STK10: variants seen among roughly 807,000 people sequenced by gnomAD.
STK10 encodes the protein serine/threonine-protein kinase 10.
A neutral mutation model predicts 113.8 loss-of-function variants in STK10; 78 were observed. The observed-to-expected ratio is 0.69, with a 90% CI of 0.57 to 0.83. The LOEUF (loss-of-function observed/expected upper bound fraction) is 0.83. STK10 is among the 40% of genes least tolerant of loss of function. The pLI is 0.00. For missense variants in STK10, 1,109 were observed against 1,280.1 expected (o/e 0.87, Z 2.04); for synonymous variants, 465 against 494.7 (o/e 0.94, Z 0.80).
chr5:172,056,153 A>C (rs1386041461), intron 15 of STK10, among the ~76,000 whole-genome samples: 1 of 152,030 alleles, frequency 6.6e-6, no homozygotes, highest in Non-Finnish European at 1.5e-5. Flanking sequence ...TTCCCCTAAC[A>C]CCTATTTGTA....
intron 12 of STK10, among the ~76,000 whole-genome samples, chr5:172,074,927 G>A (rs1055603498): frequency 6.6e-6 from 1 of 151,366 alleles, no homozygotes; most frequent in Non-Finnish European, 1.5e-5. Flanking sequence ...GCTGAGGCAG[G>A]AGGATTGCTC....
chr5:172,174,923 T>C (rs1770733154), intron 1 of STK10, among the ~76,000 whole-genome samples: 1 of 152,206 alleles, frequency 6.6e-6, no homozygotes, highest in South Asian at 2.1e-4. Context: ...ACCAGTGCAT[T>C]GGTAAAGTCC....
intron 1 of STK10, among the ~76,000 whole-genome samples, chr5:172,186,102 C>T (rs1389381001): frequency 1.2e-4 from 18 of 151,824 alleles, no homozygotes; most frequent in Non-Finnish European, 1.5e-5. Flanking sequence ...GGTGAAACCC[C>T]GTCTCTACTA....
At chr5:172,106,458 G>C (rs894514795) in intron 6 of STK10, among the ~76,000 whole-genome samples, 162 bp downstream of exon 6, 6 of 148,504 alleles carry the variant, frequency 4.0e-5, no homozygotes, top group East Asian at 2.0e-4. Flanking sequence ...GGCCCGGGGG[G>C]GCTCAGAAAC....
chr5:172,063,006 T>C (rs751398472), intron 13 of STK10, among the ~76,000 whole-genome samples: 22 of 152,296 alleles, frequency 1.4e-4, no homozygotes, highest in South Asian at 6.2e-4. Flanking sequence ...TCCCAGCACG[T>C]TGGGAGACTG....
At chr5:172,142,780 A>C (rs1770004050) in intron 2 of STK10, among the ~76,000 whole-genome samples, 2 of 152,228 alleles carry the variant, frequency 1.3e-5, no homozygotes, top group Non-Finnish European at 2.9e-5. Context: ...GGGGAAACTG[A>C]GGCTCAGGAA....
In STK10 at chr5:172,156,672, G is replaced by C. The variant is rs917372066; in HGVS notation, c.273C>G (p.Pro91=). The part of the protein sequence containing the change: ...EIEILATCDH[P]YIVKLLGAYY... ...AGGCTCCCAGGAGCTTCACAATGTA[G>C]GGGTGGTCGCAGGTGGCCAGGATCT... The change falls in exon 2 of 19, where the codon CCC becomes CCG. Residue 91 remains proline, a synonymous_variant. Coordinates refer to ENST00000176763, the MANE Select transcript of STK10 (RefSeq NM_005990.4). 6.2e-7 allele frequency: 1 copy of C among 1,614,108 alleles called. No homozygotes were observed. The highest frequency in any genetic ancestry group is 8.5e-7 in the Non-Finnish European group (1 of 1,180,010).
intron 2 of STK10, among the ~76,000 whole-genome samples, chr5:172,142,893 G>T (rs766414586): frequency 3.9e-5 from 6 of 152,286 alleles, no homozygotes; most frequent in Non-Finnish European, 5.9e-5. Flanking sequence ...CTGGGTGGGT[G>T]GGGGGAAAGG....
chr5:172,090,175 C>T, intron 10 of STK10, 57 bp downstream of exon 10: 2 of 1,598,400 alleles, frequency 1.3e-6, no homozygotes, highest in East Asian at 2.2e-5. Context: ...CCAATGCCCA[C>T]TCCTCTTACC....
chr5:172,139,493 G>GAA (rs551856973), intron 2 of STK10, among the ~76,000 whole-genome samples: 8,504 of 106,474 alleles, frequency 0.08, 934 homozygotes, highest in African/African-American at 0.25. Flanking sequence ...CCCATCTCTG[G>GAA]AAAAAAAAAA....
chr5:172,165,333 G>T (rs1165741645), intron 1 of STK10, among the ~76,000 whole-genome samples: 1 of 152,222 alleles, frequency 6.6e-6, no homozygotes. Context: ...CAAGGCGAAT[G>T]CAGAGACCAG....
At chr5:172,079,570 TTTA>T (rs199849976) in intron 12 of STK10, among the ~76,000 whole-genome samples, 2,457 of 144,566 alleles carry the variant, frequency 0.017, 74 homozygotes, top group African/African-American at 0.062. Context: ...TATTTATTTA[TTTA>T]TTTTTGAGAT....
At chr5:172,167,537 C>T (rs1230359196) in intron 1 of STK10, among the ~76,000 whole-genome samples, 1 of 152,166 alleles carries the variant, frequency 6.6e-6, no homozygotes, top group East Asian at 1.9e-4. Flanking sequence ...CCAGCGAGGG[C>T]AGACTGGGAC....
At chr5:172,185,877 C>G (rs1244048103) in intron 1 of STK10, among the ~76,000 whole-genome samples, 2 of 152,226 alleles carry the variant, frequency 1.3e-5, no homozygotes, top group East Asian at 1.9e-4. Flanking sequence ...CAAAGGAGGA[C>G]AGCAAGTCGG....
At chr5:172,161,191 C>A (rs766706226) in intron 1 of STK10, among the ~76,000 whole-genome samples, 1 of 152,122 alleles carries the variant, frequency 6.6e-6, no homozygotes, top group Non-Finnish European at 1.5e-5. Context: ...GTGGCGCACG[C>A]CTGTAATCCT....
intron 1 of STK10, among the ~76,000 whole-genome samples, chr5:172,172,104 C>G (rs183260001): frequency 1.3e-5 from 2 of 152,292 alleles, no homozygotes; most frequent in African/African-American, 4.8e-5. Flanking sequence ...GCAGGAGAAT[C>G]TCTTGAACCC....
chr5:172,131,032 G>GTTTTTT (rs773484183), intron 2 of STK10, among the ~76,000 whole-genome samples: 7 of 109,516 alleles, frequency 6.4e-5, no homozygotes, highest in African/African-American at 1.1e-4. Context: ...GCCATCAGCT[G>GTTTTTT]TTTTTTTTTT....
At chr5:172,058,620 G>A (rs1302838948) in intron 14 of STK10, among the ~76,000 whole-genome samples, 1 of 152,174 alleles carries the variant, frequency 6.6e-6, no homozygotes, top group East Asian at 1.9e-4. Flanking sequence ...GCCAGGCACA[G>A]TGGCTCACAC....
At chr5:172,153,125 A>G (rs779479898) in intron 2 of STK10, among the ~76,000 whole-genome samples, 5 of 152,044 alleles carry the variant, frequency 3.3e-5, no homozygotes, top group Non-Finnish European at 5.9e-5. Context: ...CATCTCTACT[A>G]AAAATACAAA....
Sources: gnomAD v4.1 joint callset for allele counts (sites outside exome capture counted in the v4.1 genomes callset) on GRCh38, gnomAD v4.1.1 for gene constraint, MANE v1.5 for transcripts, NCBI Gene and HGNC (gene_info 2026-07-23, HGNC 2026-07-21) for gene names.